The following OPCML variants were observed in gnomAD, a reference collection of about 807,000 sequenced individuals.
The protein encoded by OPCML is opioid binding protein/cell adhesion molecule like.
Under a neutral mutation model 37.8 loss-of-function variants are expected in OPCML, and 13 were observed. The observed-to-expected ratio is 0.34, with a 90% CI of 0.22 to 0.55. OPCML has a LOEUF of 0.55. Among genes scored for constraint, OPCML ranks in the 20% least tolerant of loss-of-function variants. OPCML has a pLI of 0.91. For synonymous variants in OPCML, 176 were observed against 168.8 expected, an observed-to-expected ratio of 1.04 and a Z score of -0.33; for missense variants, 341 against 435.6, an observed-to-expected ratio of 0.78 and a Z score of 1.93.
In OPCML at chr11:133,419,100, T is replaced by C. The variant is rs539459039; in HGVS notation, c.61+113164A>G. On this transcript the variant is annotated intron_variant, in intron 1 of 7. Coordinates refer to ENST00000524381, the MANE Select transcript of OPCML (RefSeq NM_001012393.5). The stretch of plus-strand genomic sequence containing the variant: ...TAACCTTCACCTTTGGCGAAACTGA[T>C]TTGAGTAATAACTCTACCTGCCATG... 20 of 337,656 alleles carry C rather than the reference T, an allele frequency of 5.9e-5. No homozygotes were observed. In the East Asian group the frequency reaches 3.2e-3, roughly 54 times the overall value. The allele number at this position is 337,656 out of a possible 1,614,324, so 20.9% of individuals were successfully genotyped here.
chr11:133,133,233 T>A (rs1365182923), intron 1 of OPCML, among the ~76,000 whole-genome samples: 2 of 152,150 alleles, frequency 1.3e-5, no homozygotes, highest in African/African-American at 4.8e-5. Context: ...CTCAGGCCCC[T>A]GGGTGGCAGG....
At position 132,687,392 on chromosome 11, in the gene OPCML, A is replaced by G. The variant is rs1246393370; in HGVS notation, c.147-30073T>C. Among the ~76,000 whole-genome samples, 58 of 74,988 alleles carry G rather than the reference A, an allele frequency of 7.7e-4. 2 individuals are homozygous for G. Among genetic ancestry groups the G allele is most frequent in the African/African-American group, 4.4e-3 (50 of 11,352 alleles). 49.2% of individuals were successfully genotyped at this position (74,988 alleles called of 152,430 possible). A position where few individuals can be genotyped will look rare whatever the true frequency, so the allele number is the denominator to read the frequency against. On this transcript the variant is annotated intron_variant, in intron 2 of 7. Transcript: ENST00000524381. ...TACATATATATATATATATATATAT[A>G]TATATATATATATATATATATATAT...
At chr11:133,495,410 TAGATACCC>T in intron 1 of OPCML, among the ~76,000 whole-genome samples, 2 of 152,332 alleles carry the variant, frequency 1.3e-5, no homozygotes, top group Middle Eastern at 6.8e-3. Context: ...TTCCTCTGGG[TAGATACCC>T]AGTAGTGGGA....
chr11:133,217,259 C>A (rs1185544965), intron 1 of OPCML, among the ~76,000 whole-genome samples: 3 of 152,198 alleles, frequency 2.0e-5, no homozygotes, highest in African/African-American at 7.2e-5. Context: ...TCCAGTGCCC[C>A]CCAAAACAAA....
chr11:132,620,402 A>C (rs1037472400), intron 3 of OPCML, among the ~76,000 whole-genome samples: 2 of 152,216 alleles, frequency 1.3e-5, no homozygotes, highest in Non-Finnish European at 2.9e-5. Context: ...ATGTTAAGGA[A>C]TTTTTCTCCA....
chr11:133,140,763 C>CAAT (rs1555102374), intron 1 of OPCML, among the ~76,000 whole-genome samples: 1 of 48,874 alleles, frequency 2.0e-5, no homozygotes, highest in African/African-American at 4.6e-5. Flanking sequence ...AAGAAGACGA[C>CAAT]GAAGAAGAAG....
intron 2 of OPCML, among the ~76,000 whole-genome samples, chr11:132,892,991 G>T (rs933123293): frequency 6.6e-6 from 1 of 152,042 alleles, no homozygotes; most frequent in Non-Finnish European, 1.5e-5. Context: ...TTATACAAAG[G>T]TTGTCCCCAC....
At chr11:133,422,347 T>C in intron 1 of OPCML, 1 of 968,834 alleles carries the variant, frequency 1.0e-6, no homozygotes, top group Non-Finnish European at 1.2e-6. Context: ...AAAGCCATAC[T>C]AGGCCATTTT....
intron 1 of OPCML, among the ~76,000 whole-genome samples, chr11:133,307,860 TTA>T (rs201660491): frequency 0.048 from 7,376 of 152,186 alleles, 200 homozygotes; most frequent in Middle Eastern, 0.071. Context: ...TTTTTTTTTT[TTA>T]AATTTTACCT....
chr11:132,508,831 T>C (rs2096262906), intron 4 of OPCML, among the ~76,000 whole-genome samples: 1 of 152,188 alleles, frequency 6.6e-6, no homozygotes, highest in Admixed American at 6.5e-5. Context: ...GGTATGTCTT[T>C]ATCAGCAGCG....
chr11:132,459,735 G>A (rs554091816), intron 4 of OPCML, among the ~76,000 whole-genome samples: 8 of 97,506 alleles, frequency 8.2e-5, no homozygotes, highest in Admixed American at 2.6e-4. Flanking sequence ...TTCGTTATAC[G>A]AAAGTTAAAA....
intron 2 of OPCML, among the ~76,000 whole-genome samples, chr11:132,685,756 T>G (rs750688320): frequency 6.6e-6 from 1 of 152,122 alleles, no homozygotes; most frequent in Non-Finnish European, 1.5e-5. Context: ...TCCTGAGAAG[T>G]AAACACAAAG....
intron 1 of OPCML, among the ~76,000 whole-genome samples, chr11:133,031,179 G>A (rs1290445700): frequency 5.3e-5 from 8 of 152,154 alleles, no homozygotes; most frequent in Admixed American, 3.9e-4. Context: ...GGATAAATGG[G>A]TGCATAGGTG....
chr11:132,617,379 C>G (rs560310502), intron 3 of OPCML, among the ~76,000 whole-genome samples: 1 of 152,120 alleles, frequency 6.6e-6, no homozygotes, highest in African/African-American at 2.4e-5. Flanking sequence ...TTACTCTCCA[C>G]GTAGACTGAA....
At chr11:132,869,602 T>G (rs12799796) in intron 2 of OPCML, among the ~76,000 whole-genome samples, 29,717 of 152,182 alleles carry the variant, frequency 0.2, 3,245 homozygotes, top group African/African-American at 0.28. Flanking sequence ...GATGAGCTCC[T>G]CAAGAAGAAA....
intron 1 of OPCML, among the ~76,000 whole-genome samples, chr11:133,262,383 C>A (rs1453358278): frequency 6.6e-6 from 1 of 152,172 alleles, no homozygotes; most frequent in African/African-American, 2.4e-5. Context: ...ATGTGCGGAG[C>A]ATGAGGTGTT....
intron 1 of OPCML, among the ~76,000 whole-genome samples, chr11:133,034,190 T>C (rs1947726146): frequency 6.6e-6 from 1 of 152,154 alleles, no homozygotes; most frequent in Non-Finnish European, 1.5e-5. Context: ...TATACCTCTA[T>C]TCTTACTAGT....
intron 4 of OPCML, among the ~76,000 whole-genome samples, chr11:132,506,596 G>C (rs2096257340): frequency 6.6e-6 from 1 of 152,114 alleles, no homozygotes; most frequent in South Asian, 2.1e-4. Flanking sequence ...ATAGGAAGGA[G>C]GATGAAAGGA....
intron 1 of OPCML, among the ~76,000 whole-genome samples, chr11:133,139,126 G>C (rs11223370): frequency 0.065 from 9,885 of 152,174 alleles, 450 homozygotes; most frequent in African/African-American, 0.13. Context: ...AATCTAACAC[G>C]TAATGTGACT....
Sources: gnomAD v4.1 joint callset for allele counts (sites outside exome capture counted in the v4.1 genomes callset) on GRCh38, gnomAD v4.1.1 for gene constraint, MANE v1.5 for transcripts, NCBI Gene and HGNC (gene_info 2026-07-23, HGNC 2026-07-21) for gene names.